GPC5: variants seen among roughly 807,000 people sequenced by gnomAD.
GPC5 encodes glypican-5.
In GPC5, 47 loss-of-function variants were observed where a neutral mutation model predicts 53.9. The ratio of observed to expected loss-of-function variants is 0.87; its 90% CI spans 0.69 to 1.11. The LOEUF is 1.11. Ranked by LOEUF, GPC5 falls within the 50% of genes most tolerant of loss-of-function variation. The pLI is 0.00. For synonymous variants in GPC5, 286 were observed against 263.3 expected (o/e 1.09, Z -0.84); for missense variants, 748 against 713.1 (o/e 1.05, Z -0.56).
At chr13:92,855,699 G>T (rs990991210) in intron 7 of GPC5, among the ~76,000 whole-genome samples, 1 of 150,396 alleles carries the variant, frequency 6.6e-6, no homozygotes, top group Non-Finnish European at 1.5e-5. Context: ...GACTACAAAA[G>T]ATCCTCAAAG....
At chr13:91,978,776 A>G (rs1594702350) in intron 6 of GPC5, among the ~76,000 whole-genome samples, 1 of 152,302 alleles carries the variant, frequency 6.6e-6, no homozygotes, top group South Asian at 2.1e-4. Context: ...AGATTATCTG[A>G]TGGCTTTGTG....
At chr13:92,257,704 C>A (rs1594042927) in intron 7 of GPC5, among the ~76,000 whole-genome samples, 1 of 151,856 alleles carries the variant, frequency 6.6e-6, no homozygotes, top group East Asian at 1.9e-4. Context: ...GTGGGCACCA[C>A]CACACCCGGC....
At chr13:92,206,242 T>C (rs1280883049) in intron 7 of GPC5, among the ~76,000 whole-genome samples, 1 of 147,210 alleles carries the variant, frequency 6.8e-6, no homozygotes, top group Non-Finnish European at 1.5e-5. Context: ...CTCGGCTCAC[T>C]GCAAGCTCCG....
At chr13:92,593,487 G>T (rs971950746) in intron 7 of GPC5, among the ~76,000 whole-genome samples, 3 of 151,202 alleles carry the variant, frequency 2.0e-5, no homozygotes, top group African/African-American at 2.4e-5. Flanking sequence ...TGTTAAGTAG[G>T]CAGTTAGACA....
At chr13:91,426,513 T>G (rs1002697532) in intron 1 of GPC5, among the ~76,000 whole-genome samples, 1 of 152,208 alleles carries the variant, frequency 6.6e-6, no homozygotes, top group Non-Finnish European at 1.5e-5. Flanking sequence ...GAAGCCAGTT[T>G]GAGTCCCAAA....
intron 7 of GPC5, among the ~76,000 whole-genome samples, chr13:92,822,618 T>G (rs1877710140): frequency 6.6e-6 from 1 of 152,162 alleles, no homozygotes; most frequent in South Asian, 2.1e-4. Flanking sequence ...CACCAATATT[T>G]AATCTTTAAG....
intron 7 of GPC5, among the ~76,000 whole-genome samples, chr13:92,322,515 C>T (rs543859703): frequency 4.2e-4 from 64 of 152,266 alleles, no homozygotes; most frequent in Non-Finnish European, 7.9e-4. Context: ...AGAACACATG[C>T]AGGCTCATAT....
intron 2 of GPC5, among the ~76,000 whole-genome samples, chr13:91,501,473 C>T (rs1884633125): frequency 6.6e-6 from 1 of 152,046 alleles, no homozygotes; most frequent in South Asian, 2.1e-4. Flanking sequence ...TCAATTCCCA[C>T]CTGTGAGTGA....
At chr13:91,460,760 A>G (rs1210063454) in intron 2 of GPC5, among the ~76,000 whole-genome samples, 1 of 151,102 alleles carries the variant, frequency 6.6e-6, no homozygotes, top group African/African-American at 2.5e-5. Flanking sequence ...TTAATATTTC[A>G]GCTTTTTTTT....
intron 2 of GPC5, among the ~76,000 whole-genome samples, chr13:91,683,733 A>G (rs540543760): frequency 5.3e-5 from 8 of 152,168 alleles, no homozygotes; most frequent in Non-Finnish European, 1.2e-4. Flanking sequence ...TTACTCAAGG[A>G]ATTTCCTCCT....
intron 2 of GPC5, among the ~76,000 whole-genome samples, chr13:91,495,719 A>C (rs1884215845): frequency 6.6e-6 from 1 of 152,234 alleles, no homozygotes; most frequent in East Asian, 1.9e-4. Context: ...AAATAGGGAA[A>C]ACAAACACTG....
rs146237368 is a variant in GPC5, at chr13:91,497,781, A to T, written c.325+48859A>T. On this transcript the variant is annotated intron_variant, in intron 2 of 7. Transcript: ENST00000377067. ...ATTCAATCTGTTTATTGTGGAAATG[A>T]AAACAAAGTTATTCTTTCTGTTCTT... is the stretch of plus-strand genomic sequence containing the variant. 4.3e-3 allele frequency among the ~76,000 whole-genome samples: 657 copies of T among 152,310 alleles called. 4 individuals carry two copies. The highest frequency in any genetic ancestry group is 7.5e-3 in the Non-Finnish European group (510 of 68,020).
intron 4 of GPC5, among the ~76,000 whole-genome samples, chr13:91,751,388 A>G (rs2037173068): frequency 6.6e-6 from 1 of 152,170 alleles, no homozygotes; most frequent in Non-Finnish European, 1.5e-5. Flanking sequence ...AACTACCCCA[A>G]CATACCATTG....
chr13:92,606,674 T>C (rs1594341734), intron 7 of GPC5, among the ~76,000 whole-genome samples: 1 of 152,336 alleles, frequency 6.6e-6, no homozygotes, highest in East Asian at 1.9e-4. Context: ...TATTAGGATC[T>C]GGTGTCCACA....
intron 3 of GPC5, among the ~76,000 whole-genome samples, chr13:91,721,054 T>G (rs1416604148): frequency 6.6e-6 from 1 of 151,898 alleles, no homozygotes; most frequent in Non-Finnish European, 1.5e-5. Context: ...TTTTCTTTCT[T>G]CCTTCCTTCC....
chr13:91,784,601 G>A lies in GPC5; in HGVS notation c.1280+28181G>A, dbSNP rs2037848923. Among the ~76,000 whole-genome samples, 3 of 151,982 alleles carry A rather than the reference G, an allele frequency of 2.0e-5. No homozygotes were observed. The South Asian group carries it at 6.2e-4, about 32-fold the overall frequency. ...TAGCCAGGCATGGTGGCACATGCCTGTAATCCCAGCTACTTGGGAGGCTGA... is the reference window on the plus strand; with the variant it reads ...TAGCCAGGCATGGTGGCACATGCCTATAATCCCAGCTACTTGGGAGGCTGA... On this transcript the variant is annotated intron_variant, in intron 5 of 7. Transcript: ENST00000377067.
intron 7 of GPC5, among the ~76,000 whole-genome samples, chr13:92,538,319 A>C (rs1179278824): frequency 7.2e-6 from 1 of 139,102 alleles, no homozygotes. Flanking sequence ...CCTTTTATCT[A>C]TCCCTTTCTA....
chr13:92,029,023 G>C (rs1388071012), intron 6 of GPC5, among the ~76,000 whole-genome samples: 3 of 151,980 alleles, frequency 2.0e-5, no homozygotes, highest in African/African-American at 7.2e-5. Context: ...GTGTTTGTTT[G>C]GTTTTATTTA....
chr13:91,713,655 T>C (rs188057431), intron 3 of GPC5, among the ~76,000 whole-genome samples: 3 of 152,202 alleles, frequency 2.0e-5, no homozygotes, highest in Non-Finnish European at 4.4e-5. Flanking sequence ...CTTGACACTT[T>C]CTCTCAGAAT....
Sources: allele counts gnomAD v4.1 joint callset (sites outside exome capture counted in the v4.1 genomes callset), GRCh38; gene constraint gnomAD v4.1.1; transcripts MANE v1.5; gene names NCBI Gene and HGNC (gene_info 2026-07-23, HGNC 2026-07-21).